Variants in MARCHF1 observed in about 807,000 individuals in gnomAD.
MARCHF1 encodes E3 ubiquitin-protein ligase MARCHF1.
A neutral mutation model predicts 54.2 loss-of-function variants in MARCHF1; 40 were observed. That is an observed-to-expected ratio of 0.74 (90% CI 0.57 to 0.96). The LOEUF (loss-of-function observed/expected upper bound fraction) is 0.96, where lower values mean the gene tolerates loss of function less well. MARCHF1 is among the 40% of genes least tolerant of loss of function. The pLI is 0.00. For synonymous variants in MARCHF1, 236 were observed against 236.3 expected, an observed-to-expected ratio of 1.00 and a Z score of 0.01; for missense variants, 586 against 656.5, an observed-to-expected ratio of 0.89 and a Z score of 1.17.
At chr4:163,764,782 G>C (rs1746927800) in intron 4 of MARCHF1, among the ~76,000 whole-genome samples, 1 of 152,028 alleles carries the variant, frequency 6.6e-6, no homozygotes, top group South Asian at 2.1e-4. Flanking sequence ...TTCAGTTATT[G>C]AGGGTTGTCA....
At chr4:164,375,393 T>C (rs1731156458) in intron 1 of MARCHF1, among the ~76,000 whole-genome samples, 1 of 152,194 alleles carries the variant, frequency 6.6e-6, no homozygotes, top group Non-Finnish European at 1.5e-5. Context: ...AAAAGCCTTG[T>C]AGGTAGTCCT....
intron 1 of MARCHF1, among the ~76,000 whole-genome samples, chr4:164,174,049 G>T (rs34981725): frequency 0.045 from 6,907 of 152,192 alleles, 217 homozygotes; most frequent in Middle Eastern, 0.15. Flanking sequence ...TTTCTAAAAC[G>T]TGTCCATTAG....
chr4:164,007,666 G>C (rs1431746147), intron 2 of MARCHF1, among the ~76,000 whole-genome samples: 21 of 151,368 alleles, frequency 1.4e-4, no homozygotes, highest in Middle Eastern at 3.4e-3. Flanking sequence ...GTGTGTGTGT[G>C]TGTGTGTGTG....
rs542552717 is a variant in MARCHF1 at position 163,850,649 on chromosome 4, A to G, written c.111+3372T>C. Among the ~76,000 whole-genome samples, 7 of 152,348 alleles carry G rather than the reference A, an allele frequency of 4.6e-5. 1 individual carries two copies. The highest frequency in any genetic ancestry group is 2.6e-4 in the Admixed American group (4 of 15,288). ...TTTAATAGCTGGGCAATGGGCAGAAAGGAAACTGATTTCAAAGGTAGAAAG... is the reference window on the plus strand; with the variant it reads ...TTTAATAGCTGGGCAATGGGCAGAAGGGAAACTGATTTCAAAGGTAGAAAG... On this transcript the variant is annotated intron_variant, in intron 4 of 9. Coordinates refer to ENST00000514618, the MANE Select transcript of MARCHF1 (RefSeq NM_001394959.1).
intron 7 of MARCHF1, among the ~76,000 whole-genome samples, chr4:163,608,880 A>G (rs1468016192): frequency 1.3e-5 from 2 of 152,070 alleles, no homozygotes; most frequent in South Asian, 2.1e-4. Flanking sequence ...TTTTGCCTAC[A>G]TAGAAGACCC....
intron 4 of MARCHF1, among the ~76,000 whole-genome samples, chr4:163,769,985 T>C (rs1747107541): frequency 6.6e-6 from 1 of 152,086 alleles, no homozygotes; most frequent in African/African-American, 2.4e-5. Flanking sequence ...ATGAAGACAA[T>C]GAGAATAAAG....
intron 1 of MARCHF1, among the ~76,000 whole-genome samples, chr4:164,306,459 C>T (rs957891480): frequency 2.6e-5 from 4 of 152,124 alleles, no homozygotes; most frequent in African/African-American, 9.7e-5. Context: ...ATATCATAAT[C>T]ATCAACCTCT....
intron 5 of MARCHF1, among the ~76,000 whole-genome samples, chr4:163,657,227 C>G (rs1342909505): frequency 6.6e-6 from 1 of 152,042 alleles, no homozygotes; most frequent in Non-Finnish European, 1.5e-5. Context: ...GATACAAAAT[C>G]AATGTGCAAA....
chr4:163,635,788 C>A (rs1742295342), intron 5 of MARCHF1, among the ~76,000 whole-genome samples: 1 of 152,062 alleles, frequency 6.6e-6, no homozygotes, highest in South Asian at 2.1e-4. Flanking sequence ...AGACACACAA[C>A]CAAAAAAGAG....
chr4:163,578,116 C>T (rs370315066), intron 8 of MARCHF1, among the ~76,000 whole-genome samples: 1 of 151,798 alleles, frequency 6.6e-6, no homozygotes, highest in South Asian at 2.1e-4. Flanking sequence ...TTGACTCCAT[C>T]ATTTTAAACA....
chr4:164,165,614 A>G (rs1393687711), intron 1 of MARCHF1, among the ~76,000 whole-genome samples: 1 of 151,904 alleles, frequency 6.6e-6, no homozygotes, highest in Non-Finnish European at 1.5e-5. Flanking sequence ...TTTTCATTCT[A>G]TTAAGTAGTT....
chr4:163,775,904 G>C (rs543686682), intron 4 of MARCHF1, among the ~76,000 whole-genome samples: 1 of 152,232 alleles, frequency 6.6e-6, no homozygotes, highest in Non-Finnish European at 1.5e-5. Flanking sequence ...GCATCTACAG[G>C]TGATCAAGCT....
At chr4:163,887,969 T>A (rs1004040793) in intron 3 of MARCHF1, among the ~76,000 whole-genome samples, 1 of 152,182 alleles carries the variant, frequency 6.6e-6, no homozygotes, top group Non-Finnish European at 1.5e-5. Context: ...CACAATGATA[T>A]AAAGTGTGTT....
chr4:163,906,591 T>C (rs1751072287), intron 3 of MARCHF1, among the ~76,000 whole-genome samples: 2 of 151,974 alleles, frequency 1.3e-5, no homozygotes, highest in South Asian at 2.1e-4. Flanking sequence ...CCACAATCTA[T>C]GCCATAAACC....
chr4:164,269,547 T>C (rs1046712933), intron 1 of MARCHF1, among the ~76,000 whole-genome samples: 1 of 152,232 alleles, frequency 6.6e-6, no homozygotes, highest in Non-Finnish European at 1.5e-5. Context: ...TTATAATCCT[T>C]ACTTATTTCT....
At chr4:164,280,348 A>C (rs1199083103) in intron 1 of MARCHF1, among the ~76,000 whole-genome samples, 2 of 152,056 alleles carry the variant, frequency 1.3e-5, no homozygotes, top group African/African-American at 4.8e-5. Context: ...ATATTCCAAC[A>C]CAATAATAGA....
At chr4:164,019,582 C>T (rs1250403025) in intron 2 of MARCHF1, among the ~76,000 whole-genome samples, 1 of 152,178 alleles carries the variant, frequency 6.6e-6, no homozygotes, top group Non-Finnish European at 1.5e-5. Context: ...AAATTAATTA[C>T]TGATTGAGCA....
chr4:163,879,066 A>G (rs2111238018), intron 3 of MARCHF1, among the ~76,000 whole-genome samples: 1 of 152,362 alleles, frequency 6.6e-6, no homozygotes, highest in Non-Finnish European at 1.5e-5. Flanking sequence ...ATGAACAGTA[A>G]AGAATGTAAG....
intron 5 of MARCHF1, among the ~76,000 whole-genome samples, chr4:163,623,589 G>T (rs1423390409): frequency 1.3e-5 from 2 of 152,092 alleles, no homozygotes; most frequent in Admixed American, 6.5e-5. Flanking sequence ...AGAGCTTGTG[G>T]ATAAGAGATC....
Sources: allele counts gnomAD v4.1 joint callset (sites outside exome capture counted in the v4.1 genomes callset), GRCh38; gene constraint gnomAD v4.1.1; transcripts MANE v1.5; gene names NCBI Gene and HGNC (gene_info 2026-07-23, HGNC 2026-07-21).